MOSMO: variants seen among roughly 807,000 people sequenced by gnomAD.
MOSMO encodes the protein modulator of smoothened.
MOSMO carries 5 observed loss-of-function variants against 18.4 expected under a neutral mutation model. The observed-to-expected ratio is 0.27, with a 90% CI of 0.14 to 0.57. The LOEUF (loss-of-function observed/expected upper bound fraction) is 0.57. MOSMO is among the 20% of genes least tolerant of loss of function. The pLI, the probability that MOSMO is intolerant of heterozygous loss-of-function variation, is 0.92. For synonymous variants in MOSMO, 82 were observed against 82.3 expected (o/e 1.00, Z 0.02); for missense variants, 138 against 211.8 (o/e 0.65, Z 2.16).
the MOSMO span, chr16:22,092,596 C>T: frequency 6.5e-7 from 1 of 1,549,238 alleles, no homozygotes; most frequent in East Asian, 2.5e-5. Context: ...GAAGTAAGGC[C>T]CTGGAGTGCC....
chr16:22,035,662 A>C (rs1050739673), intron 1 of MOSMO, among the ~76,000 whole-genome samples: 1 of 152,136 alleles, frequency 6.6e-6, no homozygotes, highest in African/African-American at 2.4e-5. Flanking sequence ...CCAATTTTGC[A>C]GGCAGCGGTT....
At chr16:22,053,030 C>T (rs1324640694) in intron 1 of MOSMO, among the ~76,000 whole-genome samples, 1 of 148,734 alleles carries the variant, frequency 6.7e-6, no homozygotes, top group Non-Finnish European at 1.5e-5. Flanking sequence ...TCTCTGCTCA[C>T]TGTAACCTCC....
At chr16:22,016,017 A>C (rs2141980666) in intron 1 of MOSMO, among the ~76,000 whole-genome samples, 1 of 152,318 alleles carries the variant, frequency 6.6e-6, no homozygotes, top group East Asian at 1.9e-4. Flanking sequence ...AATTTTGCAT[A>C]GTAATAGTTA....
At chr16:22,063,671 G>A (rs201683774) in intron 1 of MOSMO, among the ~76,000 whole-genome samples, 1 of 152,184 alleles carries the variant, frequency 6.6e-6, no homozygotes, top group Non-Finnish European at 1.5e-5. Flanking sequence ...ATAGTGGCTA[G>A]TGTAGGAAGA....
At chr16:22,014,842 G>A (rs1170578040) in intron 1 of MOSMO, among the ~76,000 whole-genome samples, 1 of 152,144 alleles carries the variant, frequency 6.6e-6, no homozygotes, top group Non-Finnish European at 1.5e-5. Flanking sequence ...CAAACATTTT[G>A]AGATTGTGTT....
chr16:22,042,754 C>T (rs774735187), intron 1 of MOSMO, among the ~76,000 whole-genome samples: 1 of 152,218 alleles, frequency 6.6e-6, no homozygotes, highest in Non-Finnish European at 1.5e-5. Flanking sequence ...GAGTTTTCTC[C>T]AGGCTCGCAA....
intron 1 of MOSMO, among the ~76,000 whole-genome samples, chr16:22,058,387 C>T (rs192049310): frequency 6.7e-6 from 1 of 148,686 alleles, no homozygotes; most frequent in Admixed American, 6.8e-5. Flanking sequence ...GATCGCGCCA[C>T]TGCTCTCTAG....
At chr16:22,080,250 T>C (rs1354629637) in intron 2 of MOSMO, among the ~76,000 whole-genome samples, 1 of 152,206 alleles carries the variant, frequency 6.6e-6, no homozygotes, top group Non-Finnish European at 1.5e-5. Context: ...TACCTGGCAC[T>C]GTGTCAGGGA....
rs974219517 is a variant in MOSMO, at chr16:22,038,924, A to G, written c.106+30517A>G. Reference sequence around the variant, plus strand: ...GAAAGCAATGACATGGGAGAAAGCAATGAATGAACTAAGCATAGTGCTCTG... The same window carrying G: ...GAAAGCAATGACATGGGAGAAAGCAGTGAATGAACTAAGCATAGTGCTCTG... On this transcript the variant is annotated intron_variant, in intron 1 of 2. Coordinates refer to ENST00000542527, the MANE Select transcript of MOSMO (RefSeq NM_001164579.2). 4.6e-5 allele frequency among the ~76,000 whole-genome samples: 7 copies of G among 152,314 alleles called. No homozygotes were observed. The South Asian group carries it at 1.2e-3, about 27-fold the overall frequency.
At chr16:22,041,210 A>G (rs964803680) in intron 1 of MOSMO, among the ~76,000 whole-genome samples, 1 of 152,216 alleles carries the variant, frequency 6.6e-6, no homozygotes, top group Non-Finnish European at 1.5e-5. Context: ...TTTCACCCAC[A>G]GAGGTAATGA....
chr16:22,074,178 C>G (rs888286990), intron 1 of MOSMO, among the ~76,000 whole-genome samples: 1 of 152,222 alleles, frequency 6.6e-6, no homozygotes, highest in Admixed American at 6.5e-5. Flanking sequence ...CAAAATGCCA[C>G]TAGGAATTTC....
At chr16:22,026,365 C>T (rs35907223) in intron 1 of MOSMO, among the ~76,000 whole-genome samples, 18,032 of 151,732 alleles carry the variant, frequency 0.12, 1,326 homozygotes, top group South Asian at 0.28. Context: ...ATGACAGGCA[C>T]GTGCTACCAA....
chr16:22,062,802 G>C (rs1254665505), intron 1 of MOSMO, among the ~76,000 whole-genome samples: 3 of 152,106 alleles, frequency 2.0e-5, no homozygotes, highest in Non-Finnish European at 4.4e-5. Context: ...GGTACACAGA[G>C]GTTAATTAAC....
chr16:22,077,368 T>C (rs1296357655), intron 2 of MOSMO, among the ~76,000 whole-genome samples: 1 of 152,140 alleles, frequency 6.6e-6, no homozygotes, highest in African/African-American at 2.4e-5. Flanking sequence ...TGCAATGTAT[T>C]TTTTTCTTTA....
chr16:22,066,279 A>T (rs768024819), intron 1 of MOSMO, among the ~76,000 whole-genome samples: 19 of 152,064 alleles, frequency 1.2e-4, no homozygotes, highest in Non-Finnish European at 1.6e-4. Context: ...GGCATTTGTT[A>T]AAAACAGTCA....
At chr16:22,092,426 T>A, downstream of MOSMO, 1 of 504,868 alleles carries the variant, frequency 2.0e-6, no homozygotes, top group Non-Finnish European at 3.6e-6. Context: ...ACACAGCTGG[T>A]GACTTCTTCC....
chr16:22,073,004 A>C (rs1900889368), intron 1 of MOSMO, among the ~76,000 whole-genome samples: 1 of 152,102 alleles, frequency 6.6e-6, no homozygotes, highest in Non-Finnish European at 1.5e-5. Flanking sequence ...GTTTTATAGA[A>C]GGTGTTGAAA....
chr16:22,074,725 C>T lies in MOSMO; in HGVS notation c.107-762C>T, dbSNP rs1056803197. Reference sequence around the variant, plus strand: ...AATGCTTGATGTTTTACCAAAATCACTTTTATTTGAATGGGGAGAGACACT... The same window carrying T: ...AATGCTTGATGTTTTACCAAAATCATTTTTATTTGAATGGGGAGAGACACT... On this transcript the variant is annotated intron_variant, in intron 1 of 2. Transcript: ENST00000542527. Among the ~76,000 whole-genome samples, 12 of 152,128 alleles carry T rather than the reference C, an allele frequency of 7.9e-5. No individual in the cohort carries two copies. In the South Asian group the frequency reaches 2.5e-3, roughly 32 times the overall value.
chr16:22,023,997 T>TTATATATATATA (rs72336979), intron 1 of MOSMO, among the ~76,000 whole-genome samples: 6,692 of 126,172 alleles, frequency 0.053, 306 homozygotes, highest in South Asian at 0.11. Flanking sequence ...TTTGTACAAA[T>TTATATATATATA]TATATATATA....
Sources: gnomAD v4.1 joint callset for allele counts (sites outside exome capture counted in the v4.1 genomes callset) on GRCh38, gnomAD v4.1.1 for gene constraint, MANE v1.5 for transcripts, NCBI Gene and HGNC (gene_info 2026-07-23, HGNC 2026-07-21) for gene names.